PRMT8: variants seen among roughly 807,000 people sequenced by gnomAD.
The protein encoded by PRMT8 is protein arginine N-methyltransferase 8.
A neutral mutation model predicts 47.1 loss-of-function variants in PRMT8; 7 were observed. The observed-to-expected ratio is 0.15, with a 90% CI of 0.08 to 0.28. PRMT8 has a LOEUF of 0.28. PRMT8 is among the 10% of genes least tolerant of loss of function. PRMT8 has a pLI of 1.00. For synonymous variants in PRMT8, 188 were observed against 186.5 expected (o/e 1.01, Z -0.07); for missense variants, 237 against 505.4 (o/e 0.47, Z 5.09).
At position 3,508,407 on chromosome 12, in the gene PRMT8, T is replaced by C. The variant is rs578119493; in HGVS notation, c.75+16707T>C. Among the ~76,000 whole-genome samples the C allele has an allele frequency of 3.3e-5, 5 of 152,286 alleles. No individual in the cohort carries two copies. The highest frequency in any genetic ancestry group is 9.6e-5 in the African/African-American group (4 of 41,546). On this transcript the variant is annotated intron_variant, in intron 1 of 9. Transcript: ENST00000382622. The surrounding 1 kb of genome is among the most constrained non-coding windows in gnomAD (Gnocchi z 4.9). ...ATATGTGAGACATGAGGTACAAGTTTAATTACCGGCCTGGAGCTTCTGAGC... is the reference window on the plus strand; with the variant it reads ...ATATGTGAGACATGAGGTACAAGTTCAATTACCGGCCTGGAGCTTCTGAGC...
chr12:3,404,666 T>C (rs1001018512), intron 1 of PRMT8, among the ~76,000 whole-genome samples: 1 of 152,238 alleles, frequency 6.6e-6, no homozygotes, highest in Admixed American at 6.5e-5. Context: ...GTTCAATTGT[T>C]AATTAAGTTG....
At chr12:3,444,770 C>T (rs924267990) in intron 1 of PRMT8, among the ~76,000 whole-genome samples, 3 of 152,222 alleles carry the variant, frequency 2.0e-5, no homozygotes, top group Admixed American at 2.0e-4. Context: ...ATTGCCTTTG[C>T]CCAATGGCAA....
In PRMT8 at chr12:3,496,214, A is replaced by ATTTTTTTTTTTTTTTTTTTTT. The variant is rs1555085718; in HGVS notation, c.75+4520_75+4540dup. 2.5e-4 allele frequency among the ~76,000 whole-genome samples: 7 copies of ATTTTTTTTTTTTTTTTTTTTT among 27,776 alleles called. 1 individual carries two copies. Among genetic ancestry groups the ATTTTTTTTTTTTTTTTTTTTT allele is most frequent in the Non-Finnish European group, 5.5e-4 (7 of 12,634 alleles). The allele number at this position is 27,776 out of a possible 152,430, so 18.2% of individuals were successfully genotyped here. ...TTTGGAAACTGATATATATATATAT[A>ATTTTTTTTTTTTTTTTTTTTT]TTTTTTTTTTTTTTTTTTTTTTTTT... On this transcript the variant is annotated intron_variant, in intron 1 of 9. Coordinates refer to ENST00000382622, the MANE Select transcript of PRMT8 (RefSeq NM_019854.5).
At chr12:3,397,391 T>A (rs1012959896) in intron 1 of PRMT8, among the ~76,000 whole-genome samples, 4 of 151,664 alleles carry the variant, frequency 2.6e-5, no homozygotes, top group African/African-American at 9.7e-5. Flanking sequence ...GGGTTTTTGG[T>A]GTGGATGTCC....
intron 1 of PRMT8, among the ~76,000 whole-genome samples, chr12:3,396,948 T>G (rs1864256033): frequency 6.6e-6 from 1 of 151,992 alleles, no homozygotes; most frequent in African/African-American, 2.4e-5. Context: ...CCCTTCTCAC[T>G]TCATTTCATT....
In PRMT8 at chr12:3,514,241, TGCTCTTTTGTTC is replaced by T. The variant is rs1865754369; in HGVS notation, c.75+22542_75+22553del. ...TTTTTTTTTTCTGTTACCCCTAAGG[TGCTCTTTTGTTC>T]ACCACAGAATACTGAGCACTTCTGG... is the stretch of plus-strand genomic sequence containing the variant. On this transcript the variant is annotated intron_variant, in intron 1 of 9. Transcript: ENST00000382622. The surrounding 1 kb of genome is among the most constrained non-coding windows in gnomAD (Gnocchi z 5.9). Among the ~76,000 whole-genome samples, 1 of 149,038 alleles carries T rather than the reference TGCTCTTTTGTTC, an allele frequency of 6.7e-6. No homozygotes were observed. The highest frequency in any genetic ancestry group is 2.5e-5 in the African/African-American group (1 of 40,024).
At chr12:3,478,307 T>TCTATCTATCTACCTAC (rs369719549) in intron 1 of PRMT8, among the ~76,000 whole-genome samples, 10 of 135,720 alleles carry the variant, frequency 7.4e-5, no homozygotes, top group South Asian at 2.3e-4. Flanking sequence ...TATCTATCTA[T>TCTATCTATCTACCTAC]CTACCTACCT....
chr12:3,491,102 GC>G, upstream of PRMT8: 1 of 940,874 alleles, frequency 1.1e-6, no homozygotes, highest in Non-Finnish European at 1.3e-6. Context: ...GGCGCTGGGG[GC>G]CCTCGGTCTG....
intron 4 of PRMT8, among the ~76,000 whole-genome samples, chr12:3,554,279 C>A (rs923273089): frequency 1.3e-5 from 2 of 152,188 alleles, no homozygotes; most frequent in Non-Finnish European, 2.9e-5. Flanking sequence ...TGGACAGCGA[C>A]ATTTCCCAGT....
intron 4 of PRMT8, among the ~76,000 whole-genome samples, chr12:3,561,559 C>G (rs181583822): frequency 6.6e-6 from 1 of 152,260 alleles, no homozygotes; most frequent in East Asian, 1.9e-4. Context: ...GGGTGTCCTA[C>G]GGTGAGGGTG....
At chr12:3,530,017 C>T (rs867902622) in intron 1 of PRMT8, among the ~76,000 whole-genome samples, 5 of 152,162 alleles carry the variant, frequency 3.3e-5, no homozygotes, top group African/African-American at 1.2e-4. Flanking sequence ...TTAATAAATG[C>T]ATTCTATGTT....
At chr12:3,447,686 T>G (rs1184710423) in intron 1 of PRMT8, among the ~76,000 whole-genome samples, 2 of 152,150 alleles carry the variant, frequency 1.3e-5, no homozygotes, top group Non-Finnish European at 2.9e-5. Context: ...GTTGTCTCTC[T>G]CTCCTTCTAG....
At chr12:3,388,053 C>CTTCCTTCCTTCCTCCT (rs1266997707) in intron 1 of PRMT8, among the ~76,000 whole-genome samples, 1 of 149,462 alleles carries the variant, frequency 6.7e-6, no homozygotes, top group Non-Finnish European at 1.5e-5. Context: ...TCCTTCCTTC[C>CTTCCTTCCTTCCTCCT]TCCCTCCCTC....
intron 1 of PRMT8, chr12:3,462,980 G>A (rs1865056423): frequency 6.7e-6 from 1 of 150,252 alleles, no homozygotes; most frequent in South Asian, 2.1e-4. Context: ...GTGGTGAGCG[G>A]TAGAAGTGCC....
chr12:3,382,992 G>A (rs1864107173), intron 1 of PRMT8, among the ~76,000 whole-genome samples: 1 of 152,084 alleles, frequency 6.6e-6, no homozygotes, highest in Admixed American at 6.6e-5. Flanking sequence ...TACTTTTGTA[G>A]CTTTTCCAAA....
chr12:3,429,211 T>C (rs1340464337), intron 1 of PRMT8, among the ~76,000 whole-genome samples: 1 of 152,212 alleles, frequency 6.6e-6, no homozygotes, highest in Non-Finnish European at 1.5e-5. Flanking sequence ...CTGGGTGCCC[T>C]GGCTTACAGG....
At chr12:3,464,970 C>A (rs1223520977) in intron 1 of PRMT8, among the ~76,000 whole-genome samples, 1 of 151,408 alleles carries the variant, frequency 6.6e-6, no homozygotes, top group Non-Finnish European at 1.5e-5. Context: ...ACTAAAAATG[C>A]AAAATTAGCC....
chr12:3,559,798 G>A (rs942412210), intron 4 of PRMT8, among the ~76,000 whole-genome samples: 4 of 152,150 alleles, frequency 2.6e-5, no homozygotes, highest in South Asian at 2.1e-4. Context: ...TGCTTGAGCC[G>A]GGCTGCTGTG....
chr12:3,472,183 G>A (rs1865168400), intron 1 of PRMT8, among the ~76,000 whole-genome samples: 1 of 152,222 alleles, frequency 6.6e-6, no homozygotes, highest in Admixed American at 6.5e-5. Context: ...GGAAAGGTGT[G>A]TGGTGTTCCT....
Sources: gnomAD v4.1 joint callset for allele counts (sites outside exome capture counted in the v4.1 genomes callset) on GRCh38, gnomAD v4.1.1 for gene constraint, Gnocchi (gnomAD v3.1) non-coding constraint, MANE v1.5 for transcripts, NCBI Gene and HGNC (gene_info 2026-07-23, HGNC 2026-07-21) for gene names.